Variants in ATRNL1 observed in about 807,000 individuals in gnomAD.
ATRNL1 encodes attractin-like protein 1.
ATRNL1 carries 95 observed loss-of-function variants against 182.7 expected under a neutral mutation model. The ratio of observed to expected loss-of-function variants is 0.52; its 90% CI spans 0.44 to 0.62. The LOEUF (loss-of-function observed/expected upper bound fraction) is 0.62, where lower values mean the gene tolerates loss of function less well. Among genes scored for constraint, ATRNL1 ranks in the 20% least tolerant of loss-of-function variants. The probability of loss-of-function intolerance (pLI) is 0.00; values close to 1 mark genes in which losing one functional copy is unlikely to be tolerated. For missense variants in ATRNL1, 1,471 were observed against 1,679.5 expected (o/e 0.88, Z 2.17); for synonymous variants, 576 against 568.3 (o/e 1.01, Z -0.19).
intron 27 of ATRNL1, among the ~76,000 whole-genome samples, chr10:115,845,612 G>A (rs548165263): frequency 8.6e-5 from 13 of 151,846 alleles, no homozygotes; most frequent in African/African-American, 2.7e-4. Flanking sequence ...ATCATTTGTC[G>A]TTTTTCTCAA....
chr10:115,731,321 A>G (rs1947791625), intron 27 of ATRNL1, among the ~76,000 whole-genome samples: 1 of 152,128 alleles, frequency 6.6e-6, no homozygotes, highest in African/African-American at 2.4e-5. Flanking sequence ...TCCATGTTTA[A>G]AATCAGGAGA....
chr10:115,562,014 C>T (rs1853786007), intron 26 of ATRNL1, among the ~76,000 whole-genome samples: 1 of 152,254 alleles, frequency 6.6e-6, no homozygotes, highest in Admixed American at 6.5e-5. Flanking sequence ...AGCAATTCCA[C>T]TCTTAGGTGA....
chr10:115,176,478 C>T (rs1847512154), intron 8 of ATRNL1, among the ~76,000 whole-genome samples: 1 of 152,122 alleles, frequency 6.6e-6, no homozygotes, highest in Middle Eastern at 3.4e-3. Context: ...TAACGGTAAT[C>T]TGGGCCAAAA....
intron 27 of ATRNL1, among the ~76,000 whole-genome samples, chr10:115,736,594 A>G (rs1947957930): frequency 6.6e-6 from 1 of 151,808 alleles, no homozygotes; most frequent in Non-Finnish European, 1.5e-5. Flanking sequence ...GTATTTGGTG[A>G]TCTTTATGAG....
intron 25 of ATRNL1, among the ~76,000 whole-genome samples, chr10:115,545,689 G>A (rs1024098086): frequency 6.6e-6 from 1 of 152,174 alleles, no homozygotes; most frequent in Non-Finnish European, 1.5e-5. Flanking sequence ...GAGGAATGTT[G>A]TGAATTATTA....
rs1368009620 is a variant in ATRNL1, at chr10:115,705,515, T to A, written c.3796-21733T>A. ...CTGTTCTCTACTACAGGATAGCTCC[T>A]TGCTTTGGTTAATATTTAACTTTTT... On this transcript the variant is annotated intron_variant, in intron 26 of 28. Coordinates refer to ENST00000355044, the MANE Select transcript of ATRNL1 (RefSeq NM_207303.4). 2.6e-5 allele frequency among the ~76,000 whole-genome samples: 4 copies of A among 151,992 alleles called. 1 individual carries two copies. The highest frequency in any genetic ancestry group is 5.9e-5 in the Non-Finnish European group (4 of 67,908).
chr10:115,383,348 A>T (rs1554951725), intron 19 of ATRNL1, among the ~76,000 whole-genome samples: 1 of 151,954 alleles, frequency 6.6e-6, no homozygotes, highest in Non-Finnish European at 1.5e-5. Context: ...GTTTTAAAAA[A>T]TGATAATTAT....
chr10:115,244,969 G>C (rs1225132852), intron 10 of ATRNL1, among the ~76,000 whole-genome samples: 1 of 152,144 alleles, frequency 6.6e-6, no homozygotes, highest in Non-Finnish European at 1.5e-5. Flanking sequence ...AAGCAGAACA[G>C]CTGAAATTTC....
At chr10:115,141,987 T>G (rs1446486258) in intron 5 of ATRNL1, among the ~76,000 whole-genome samples, 1 of 152,168 alleles carries the variant, frequency 6.6e-6, no homozygotes, top group Non-Finnish European at 1.5e-5. Flanking sequence ...TTTCTTTTTT[T>G]GAGCTTCTAT....
chr10:115,276,667 A>G (rs12248148), intron 13 of ATRNL1, among the ~76,000 whole-genome samples: 2,016 of 152,268 alleles, frequency 0.013, 39 homozygotes, highest in African/African-American at 0.046. Flanking sequence ...AGGTCAAACA[A>G]TGTGCTTTAT....
At chr10:115,807,847 T>C (rs1949956873) in intron 27 of ATRNL1, among the ~76,000 whole-genome samples, 1 of 152,162 alleles carries the variant, frequency 6.6e-6, no homozygotes, top group South Asian at 2.1e-4. Context: ...AATAGCTTCT[T>C]GTTCTTTATT....
intron 27 of ATRNL1, among the ~76,000 whole-genome samples, chr10:115,793,089 C>T (rs1555082126): frequency 6.6e-6 from 1 of 151,922 alleles, no homozygotes; most frequent in Non-Finnish European, 1.5e-5. Flanking sequence ...ATCACTACCA[C>T]AAAATAATAA....
At chr10:115,484,498 A>G (rs1463219632) in intron 24 of ATRNL1, among the ~76,000 whole-genome samples, 3 of 151,646 alleles carry the variant, frequency 2.0e-5, no homozygotes, top group Non-Finnish European at 4.4e-5. Context: ...TTTATTATAT[A>G]CAGTATACTT....
At chr10:115,575,227 T>A (rs1198116178) in intron 26 of ATRNL1, among the ~76,000 whole-genome samples, 1 of 152,184 alleles carries the variant, frequency 6.6e-6, no homozygotes, top group Non-Finnish European at 1.5e-5. Context: ...ATATGTGTTG[T>A]TAATGGACCA....
At chr10:115,220,657 A>G (rs1293584906) in intron 9 of ATRNL1, among the ~76,000 whole-genome samples, 1 of 144,270 alleles carries the variant, frequency 6.9e-6, no homozygotes, top group African/African-American at 2.5e-5. Flanking sequence ...TGGGCTTACC[A>G]AAACTGTAAC....
intron 20 of ATRNL1, among the ~76,000 whole-genome samples, chr10:115,398,019 G>T (rs757087256): frequency 2.0e-5 from 3 of 151,910 alleles, no homozygotes; most frequent in Non-Finnish European, 4.4e-5. Flanking sequence ...GATATTTGGC[G>T]GGGATTAGGT....
chr10:115,128,181 G>A (rs1209747155), intron 4 of ATRNL1, among the ~76,000 whole-genome samples: 1 of 152,150 alleles, frequency 6.6e-6, no homozygotes, highest in East Asian at 1.9e-4. Flanking sequence ...TCTGTCAAGT[G>A]GGTATATTTC....
At chr10:115,693,731 C>G (rs1324707861) in intron 26 of ATRNL1, among the ~76,000 whole-genome samples, 1 of 151,878 alleles carries the variant, frequency 6.6e-6, no homozygotes, top group African/African-American at 2.4e-5. Context: ...AACTGTAACA[C>G]AATAAGTATT....
At chr10:115,441,067 G>T (rs1292882996) in intron 21 of ATRNL1, among the ~76,000 whole-genome samples, 1 of 151,056 alleles carries the variant, frequency 6.6e-6, no homozygotes, top group African/African-American at 2.4e-5. Flanking sequence ...GTTTATTATC[G>T]AGGAAAGAAT....
Sources: allele counts gnomAD v4.1 joint callset (sites outside exome capture counted in the v4.1 genomes callset), GRCh38; gene constraint gnomAD v4.1.1; transcripts MANE v1.5; gene names NCBI Gene and HGNC (gene_info 2026-07-23, HGNC 2026-07-21).